Variants in SH3RF3 observed in about 807,000 individuals in gnomAD.
SH3RF3 encodes E3 ubiquitin-protein ligase SH3RF3.
Under a neutral mutation model 66.3 loss-of-function variants are expected in SH3RF3, and 29 were observed. The observed-to-expected ratio is 0.44, with a 90% CI of 0.33 to 0.60. The LOEUF (loss-of-function observed/expected upper bound fraction) is 0.60, where lower values mean the gene tolerates loss of function less well. Among genes scored for constraint, SH3RF3 ranks in the 20% least tolerant of loss-of-function variants. The pLI, the probability that SH3RF3 is intolerant of heterozygous loss-of-function variation, is 0.04. For synonymous variants in SH3RF3, 583 were observed against 532.0 expected (o/e 1.10, Z -1.32); for missense variants, 1,194 against 1,190.9 (o/e 1.00, Z -0.04).
At chr2:109,201,356 C>T (rs955758820) in intron 1 of SH3RF3, among the ~76,000 whole-genome samples, 16 of 152,370 alleles carry the variant, frequency 1.1e-4, no homozygotes, top group Non-Finnish European at 1.9e-4. Context: ...GGTACATGGC[C>T]TGGGCTTTGG....
chr2:109,404,550 C>T (rs11123744), intron 4 of SH3RF3, among the ~76,000 whole-genome samples: 25,314 of 151,994 alleles, frequency 0.17, 2,597 homozygotes, highest in East Asian at 0.49. Flanking sequence ...CAGTCAAGGT[C>T]GCCAAGGAGC....
intron 8 of SH3RF3, among the ~76,000 whole-genome samples, chr2:109,455,504 T>C (rs1678027190): frequency 6.8e-6 from 1 of 146,722 alleles, no homozygotes; most frequent in South Asian, 2.2e-4. Context: ...ATTAAATATA[T>C]GTATATCTCA....
intron 1 of SH3RF3, among the ~76,000 whole-genome samples, chr2:109,337,916 G>A (rs1682462483): frequency 6.6e-6 from 1 of 151,570 alleles, no homozygotes; most frequent in Admixed American, 6.6e-5. Flanking sequence ...TTTTTTTGTA[G>A]AGATGGGATT....
rs139853456 is a variant in SH3RF3, at chr2:109,155,696, A to G, written c.573+25583A>G. Among the ~76,000 whole-genome samples the G allele has an allele frequency of 3.9e-5, 6 of 152,300 alleles. No homozygotes were observed. In the East Asian group the frequency reaches 1.2e-3, roughly 29 times the overall value. On this transcript the variant is annotated intron_variant, in intron 1 of 9. Transcript: ENST00000309415. ...CATCTTGAATTGTAACACTGTTCCC[A>G]TGGGAACTTTGATAGGGTTTCTAGC...
At chr2:109,289,816 T>C (rs1681120215) in intron 1 of SH3RF3, among the ~76,000 whole-genome samples, 1 of 152,060 alleles carries the variant, frequency 6.6e-6, no homozygotes, top group Admixed American at 6.6e-5. Context: ...ACTGGGGAAA[T>C]CGGGAAATCA....
In SH3RF3 at chr2:109,347,783, A is replaced by G. The variant is rs1682748649; in HGVS notation, c.683A>G (p.Asp228Gly). Residue 228 changes from aspartate (D) to glycine (G), a missense_variant, in exon 2 of 10, where the codon GAT (aspartate) becomes GGT (glycine). Asp to Gly is a moderately conservative substitution (Grantham distance 94). Coordinates refer to ENST00000309415, the MANE Select transcript of SH3RF3 (RefSeq NM_001099289.3). ...ATCATCGTCCTGCGGCGCAAGGTGG[A>G]TGAACAGTGGTACCACGGCGAGCTG... Reference protein sequence around the residue: ...GDIIVLRRKVDEQWYHGELHG... With the variant: ...GDIIVLRRKVGEQWYHGELHG... The G allele has an allele frequency of 6.2e-7, 1 of 1,613,992 alleles. No individual in the cohort carries two copies. The highest frequency in any genetic ancestry group is 8.5e-7 in the Non-Finnish European group (1 of 1,179,872).
chr2:109,363,567 T>C (rs1433511761), intron 2 of SH3RF3, among the ~76,000 whole-genome samples: 1 of 152,230 alleles, frequency 6.6e-6, no homozygotes, highest in African/African-American at 2.4e-5. Flanking sequence ...GTTGCCTTTC[T>C]TTCTGTAGAT....
At chr2:109,204,331 A>G (rs193026495) in intron 1 of SH3RF3, among the ~76,000 whole-genome samples, 31 of 152,334 alleles carry the variant, frequency 2.0e-4, no homozygotes, top group African/African-American at 7.5e-4. Context: ...TGATCCTGTT[A>G]TCTCACCTAA....
intron 1 of SH3RF3, among the ~76,000 whole-genome samples, chr2:109,235,832 C>T (rs1272624909): frequency 6.6e-6 from 1 of 152,232 alleles, no homozygotes; most frequent in Non-Finnish European, 1.5e-5. Context: ...TGGGCCTCCT[C>T]TCCTACATGC....
chr2:109,278,464 G>A (rs894656195), intron 1 of SH3RF3, among the ~76,000 whole-genome samples: 1 of 152,196 alleles, frequency 6.6e-6, no homozygotes, highest in Non-Finnish European at 1.5e-5. Flanking sequence ...AAATGTGCCC[G>A]ATGAACAAAG....
At chr2:109,409,474 A>G (rs1267306514) in intron 4 of SH3RF3, among the ~76,000 whole-genome samples, 1 of 152,154 alleles carries the variant, frequency 6.6e-6, no homozygotes, top group African/African-American at 2.4e-5. Flanking sequence ...GCCAGATCCA[A>G]CCTGTGGGTG....
chr2:109,262,783 AT>A (rs1680387305), intron 1 of SH3RF3, among the ~76,000 whole-genome samples: 1 of 151,958 alleles, frequency 6.6e-6, no homozygotes, highest in Non-Finnish European at 1.5e-5. Flanking sequence ...TATATATGTA[AT>A]GGGCCCAATG....
intron 1 of SH3RF3, among the ~76,000 whole-genome samples, chr2:109,204,105 G>C (rs1678751679): frequency 1.3e-5 from 2 of 152,226 alleles, no homozygotes; most frequent in Admixed American, 1.3e-4. Context: ...AACAGTCTCA[G>C]ACAAGGCGAA....
chr2:109,236,308 C>G (rs113611498), intron 1 of SH3RF3, among the ~76,000 whole-genome samples: 16 of 152,178 alleles, frequency 1.1e-4, no homozygotes, highest in Non-Finnish European at 1.9e-4. Context: ...AGTGTCGGGG[C>G]AGGGGAATAA....
At chr2:109,288,871 G>A (rs1462782424) in intron 1 of SH3RF3, among the ~76,000 whole-genome samples, 1 of 152,174 alleles carries the variant, frequency 6.6e-6, no homozygotes, top group Non-Finnish European at 1.5e-5. Context: ...ACAGATGGGT[G>A]TTCCGTAAAG....
intron 2 of SH3RF3, 141 bp downstream of exon 2, chr2:109,348,090 A>G (rs1390673673): frequency 1.7e-6 from 2 of 1,192,080 alleles, no homozygotes; most frequent in African/African-American, 1.6e-5. Flanking sequence ...TGGGCAAATG[A>G]CCCAGCCTCC....
chr2:109,267,322 C>G (rs79991402), intron 1 of SH3RF3, among the ~76,000 whole-genome samples: 243 of 152,286 alleles, frequency 1.6e-3, no homozygotes, highest in Non-Finnish European at 2.9e-3. Flanking sequence ...GATCCAAACA[C>G]AAGCATACCA....
chr2:109,387,540 C>T (rs1333523291), intron 3 of SH3RF3, among the ~76,000 whole-genome samples: 1 of 152,174 alleles, frequency 6.6e-6, no homozygotes, highest in African/African-American at 2.4e-5. Context: ...CATCACCCTT[C>T]CCCAGATGTG....
chr2:109,158,519 G>A (rs1677405337), intron 1 of SH3RF3, among the ~76,000 whole-genome samples: 1 of 152,110 alleles, frequency 6.6e-6, no homozygotes, highest in South Asian at 2.1e-4. Flanking sequence ...TTGGCTGGGG[G>A]AGCTGGATGG....
Sources: allele counts gnomAD v4.1 joint callset (sites outside exome capture counted in the v4.1 genomes callset), GRCh38; gene constraint gnomAD v4.1.1; transcripts MANE v1.5; gene names NCBI Gene and HGNC (gene_info 2026-07-23, HGNC 2026-07-21).